Variants in FAM184B observed in about 807,000 individuals in gnomAD.
FAM184B encodes the protein family with sequence similarity 184 member B.
In FAM184B, 111 loss-of-function variants were observed where a neutral mutation model predicts 135.9. The ratio of observed to expected loss-of-function variants is 0.82; its 90% CI spans 0.70 to 0.96. FAM184B has a LOEUF of 0.96. FAM184B is among the 40% of genes least tolerant of loss of function. The probability of loss-of-function intolerance (pLI) is 0.00; values close to 1 mark genes in which losing one functional copy is unlikely to be tolerated. For synonymous variants in FAM184B, 552 were observed against 524.8 expected (o/e 1.05, Z -0.71); for missense variants, 1,375 against 1,323.9 (o/e 1.04, Z -0.60).
At position 17,709,322 on chromosome 4, in the gene FAM184B, T is replaced by C; in HGVS notation, c.464A>G (p.Lys155Arg). ...CTGGAGCCTCCTCTCGTAGTCAGCC[T>C]TGAGCTCCAGCATTTCCCTGGAGAG... is the stretch of plus-strand genomic sequence containing the variant. ...LTLSREMLEL[K>R]ADYERRLQHL... is the part of the protein sequence containing the mutation. Residue 155 changes from lysine (K) to arginine (R), a missense_variant, in exon 2 of 18, where the codon AAG becomes AGG. Coordinates refer to ENST00000265018, the MANE Select transcript of FAM184B (RefSeq NM_015688.2). 1 of 1,550,100 alleles carries C rather than the reference T, an allele frequency of 6.5e-7. No homozygotes were observed. Among genetic ancestry groups the C allele is most frequent in the Non-Finnish European group, 8.7e-7 (1 of 1,146,162 alleles).
intron 12 of FAM184B, among the ~76,000 whole-genome samples, chr4:17,645,430 G>A (rs9761355): frequency 0.086 from 13,012 of 152,030 alleles, 1,834 homozygotes; most frequent in African/African-American, 0.29. Flanking sequence ...CCACATATCT[G>A]CAACTATCTG....
chr4:17,662,109 T>G (rs1167351718), intron 8 of FAM184B, among the ~76,000 whole-genome samples: 1 of 152,194 alleles, frequency 6.6e-6, no homozygotes, highest in Non-Finnish European at 1.5e-5. Context: ...TGCATTCTCT[T>G]GTTTCCAGGT....
chr4:17,751,823 G>GCACA (rs3222789), intron 1 of FAM184B, among the ~76,000 whole-genome samples: 10,319 of 115,808 alleles, frequency 0.089, 659 homozygotes, highest in Middle Eastern at 0.15. Context: ...TAAAAACAAG[G>GCACA]CACACACACA....
intron 1 of FAM184B, among the ~76,000 whole-genome samples, chr4:17,721,383 C>CAAAAAAAAAAAAAAAAAAAAAA (rs61539641): frequency 5.9e-4 from 28 of 47,396 alleles, no homozygotes; most frequent in African/African-American, 1.0e-3. Flanking sequence ...GATTCTGTCT[C>CAAAAAAAAAAAAAAAAAAAAAA]AAAAAAAAAA....
intron 1 of FAM184B, among the ~76,000 whole-genome samples, chr4:17,768,736 G>T (rs1718752670): frequency 6.6e-6 from 1 of 151,928 alleles, no homozygotes; most frequent in Non-Finnish European, 1.5e-5. Flanking sequence ...TGCCTATGAG[G>T]TCCACAAGAT....
intron 1 of FAM184B, among the ~76,000 whole-genome samples, chr4:17,716,859 C>G (rs1381915827): frequency 4.6e-5 from 7 of 152,162 alleles, no homozygotes; most frequent in Admixed American, 2.6e-4. Context: ...GTCTTCCAGG[C>G]TGAAGTGCAG....
intron 1 of FAM184B, among the ~76,000 whole-genome samples, chr4:17,758,653 G>A (rs896360793): frequency 6.6e-6 from 1 of 152,180 alleles, no homozygotes; most frequent in African/African-American, 2.4e-5. Context: ...GTGCTCCTAC[G>A]GTGAAGAAAA....
intron 11 of FAM184B, among the ~76,000 whole-genome samples, chr4:17,648,186 G>A (rs1360658162): frequency 6.6e-6 from 1 of 152,098 alleles, no homozygotes; most frequent in East Asian, 1.9e-4. Context: ...ATGGGTGGCA[G>A]GTGTGGGCAG....
chr4:17,773,187 A>G (rs73096920), intron 1 of FAM184B, among the ~76,000 whole-genome samples: 3,380 of 152,256 alleles, frequency 0.022, 135 homozygotes, highest in African/African-American at 0.077. Context: ...CCCCTTCTCA[A>G]TTAGAGATGG....
intron 1 of FAM184B, among the ~76,000 whole-genome samples, chr4:17,749,623 A>G (rs915552028): frequency 1.3e-5 from 2 of 152,206 alleles, no homozygotes; most frequent in Non-Finnish European, 1.5e-5. Flanking sequence ...GCCATGTTAC[A>G]TCATAATATG....
rs1714959500 is a variant in FAM184B, at chr4:17,631,989, A to G, written c.*543T>C. The G allele has an allele frequency of 6.6e-6, 1 of 151,112 alleles. No individual in the cohort carries two copies. The highest frequency in any genetic ancestry group is 1.5e-5 in the Non-Finnish European group (1 of 67,912). 9.4% of individuals were successfully genotyped at this position (151,112 alleles called of 1,614,324 possible). A position where few individuals can be genotyped will look rare whatever the true frequency, so the allele number is the denominator to read the frequency against. The stretch of plus-strand genomic sequence containing the variant: ...GAAATACAAGGTATGGGTCATTAGT[A>G]ACGCTAATAACATTTTCCTATAGAT... On this transcript the variant is annotated 3_prime_UTR_variant, in exon 18 of 18. Coordinates refer to ENST00000265018, the MANE Select transcript of FAM184B (RefSeq NM_015688.2).
chr4:17,632,703 G>A (rs1560161850), intron 17 of FAM184B, 78 bp from the exon 18 acceptor site: 4 of 971,882 alleles, frequency 4.1e-6, no homozygotes, highest in Non-Finnish European at 6.2e-6. Flanking sequence ...ATCTTTTCAG[G>A]GAAAGATAAC....
At chr4:17,753,110 C>T (rs751027909) in intron 1 of FAM184B, among the ~76,000 whole-genome samples, 10 of 152,210 alleles carry the variant, frequency 6.6e-5, no homozygotes, top group Non-Finnish European at 1.0e-4. Context: ...CCTGACATTT[C>T]GTCATCCTCC....
intron 1 of FAM184B, among the ~76,000 whole-genome samples, chr4:17,735,931 A>T (rs1444802307): frequency 6.6e-6 from 1 of 152,240 alleles, no homozygotes; most frequent in Admixed American, 6.5e-5. Context: ...TAGTTGGCAT[A>T]GTTGGTTTCC....
At chr4:17,635,675 TA>T (rs5856436) in intron 15 of FAM184B, among the ~76,000 whole-genome samples, 16,276 of 147,836 alleles carry the variant, frequency 0.11, 2,462 homozygotes, top group African/African-American at 0.34. Context: ...AGGATTACTT[TA>T]AAAAAAAAAA....
intron 5 of FAM184B, 65 bp from the exon 6 acceptor site, chr4:17,693,477 C>A: frequency 1.6e-6 from 2 of 1,258,286 alleles, no homozygotes; most frequent in Non-Finnish European, 2.3e-6. Context: ...TGTTTTCACA[C>A]CCTGCCTTAT....
intron 1 of FAM184B, among the ~76,000 whole-genome samples, chr4:17,739,399 A>G (rs1317625626): frequency 6.6e-6 from 1 of 151,936 alleles, no homozygotes; most frequent in Non-Finnish European, 1.5e-5. Flanking sequence ...TGACACCTAC[A>G]CAACATCTCC....
chr4:17,660,538 T>C (rs571189016), intron 8 of FAM184B, among the ~76,000 whole-genome samples: 41 of 152,192 alleles, frequency 2.7e-4, no homozygotes, highest in South Asian at 1.0e-3. Flanking sequence ...CGTCAAAGCA[T>C]GGTCACACAT....
At chr4:17,677,428 A>G (rs1716337490) in intron 7 of FAM184B, among the ~76,000 whole-genome samples, 2 of 152,190 alleles carry the variant, frequency 1.3e-5, no homozygotes, top group Non-Finnish European at 2.9e-5. Flanking sequence ...TAGAAAACCT[A>G]GAGGAGAAGG....
Sources: allele counts gnomAD v4.1 joint callset (sites outside exome capture counted in the v4.1 genomes callset), GRCh38; gene constraint gnomAD v4.1.1; transcripts MANE v1.5; gene names NCBI Gene and HGNC (gene_info 2026-07-23, HGNC 2026-07-21).